PEBP4: variants seen among roughly 807,000 people sequenced by gnomAD.
PEBP4 encodes the protein phosphatidylethanolamine binding protein 4, also known as phosphatidylethanolamine-binding protein 4.
Under a neutral mutation model 23.9 loss-of-function variants are expected in PEBP4, and 22 were observed. The observed-to-expected ratio is 0.92, with a 90% CI of 0.66 to 1.31. The LOEUF (loss-of-function observed/expected upper bound fraction) is 1.31. Among genes scored for constraint, PEBP4 ranks in the 40% most tolerant of loss-of-function variants. The pLI, the probability that PEBP4 is intolerant of heterozygous loss-of-function variation, is 0.00. For missense variants in PEBP4, 324 were observed against 281.7 expected (o/e 1.15, Z -1.07); for synonymous variants, 112 against 99.3 (o/e 1.13, Z -0.76).
At chr8:22,807,869 C>A (rs915875778) in intron 4 of PEBP4, among the ~76,000 whole-genome samples, 1 of 131,576 alleles carries the variant, frequency 7.6e-6, no homozygotes, top group African/African-American at 2.7e-5. Context: ...CCTACCCAAC[C>A]TCTATCCATC....
chr8:22,735,807 G>A (rs896403526), intron 4 of PEBP4, among the ~76,000 whole-genome samples: 8 of 152,218 alleles, frequency 5.3e-5, no homozygotes, highest in African/African-American at 1.9e-4. Flanking sequence ...CTCACTCAGA[G>A]CAGGTAACTC....
upstream of PEBP4, among the ~76,000 whole-genome samples, chr8:22,932,385 C>T (rs1336313488): frequency 6.6e-6 from 1 of 152,148 alleles, no homozygotes; most frequent in African/African-American, 2.4e-5. Flanking sequence ...GAATTATACA[C>T]TTCAAAATTT....
chr8:22,844,171 C>T (rs936508553), intron 3 of PEBP4, among the ~76,000 whole-genome samples: 18 of 152,206 alleles, frequency 1.2e-4, no homozygotes, highest in African/African-American at 4.1e-4. Context: ...AAAGAAGTTG[C>T]TATAAATTAG....
intron 4 of PEBP4, among the ~76,000 whole-genome samples, chr8:22,741,795 G>C (rs1293967643): frequency 1.3e-5 from 2 of 152,250 alleles, no homozygotes; most frequent in Non-Finnish European, 2.9e-5. Context: ...AGCCCATACT[G>C]CTTGGCTTCC....
At chr8:22,926,625 T>C (rs1809340597) in intron 2 of PEBP4, among the ~76,000 whole-genome samples, 1 of 152,174 alleles carries the variant, frequency 6.6e-6, no homozygotes, top group South Asian at 2.1e-4. Flanking sequence ...GGATTACACA[T>C]GTGAGCCACT....
chr8:22,841,334 G>C (rs1046270177), intron 3 of PEBP4, among the ~76,000 whole-genome samples: 5 of 152,222 alleles, frequency 3.3e-5, no homozygotes, highest in Non-Finnish European at 7.3e-5. Context: ...AGTTCTTTAG[G>C]GGGTAAATAA....
At chr8:22,810,877 TGAGAGAGAGAGAGAGA>T (rs33995327) in intron 4 of PEBP4, among the ~76,000 whole-genome samples, 3 of 137,142 alleles carry the variant, frequency 2.2e-5, no homozygotes, top group South Asian at 2.5e-4. Context: ...CTCAGAGTGC[TGAGAGAGAGAGAGAGA>T]GAGAGAGAGA....
chr8:22,921,111 G>A (rs1440339250), intron 2 of PEBP4, among the ~76,000 whole-genome samples: 2 of 152,262 alleles, frequency 1.3e-5, no homozygotes, highest in Non-Finnish European at 2.9e-5. Flanking sequence ...CAGGCTGGCT[G>A]TAAGTGCATG....
intron 4 of PEBP4, among the ~76,000 whole-genome samples, chr8:22,816,126 C>T (rs1806735630): frequency 6.6e-6 from 1 of 152,210 alleles, no homozygotes; most frequent in Non-Finnish European, 1.5e-5. Context: ...GATGCCAGTT[C>T]TTTCTCTTTC....
chr8:22,745,417 A>G (rs750881857), intron 4 of PEBP4, among the ~76,000 whole-genome samples: 14 of 152,158 alleles, frequency 9.2e-5, no homozygotes, highest in Non-Finnish European at 1.5e-4. Flanking sequence ...CTGGGGCCCC[A>G]TGGCTAAAAG....
In PEBP4 at chr8:22,794,067, A is replaced by G. The variant is rs576857231; in HGVS notation, c.357+23570T>C. 3.9e-5 allele frequency among the ~76,000 whole-genome samples: 6 copies of G among 152,124 alleles called. 1 individual carries two copies. The highest frequency in any genetic ancestry group is 1.2e-4 in the African/African-American group (5 of 41,506). On this transcript the variant is annotated intron_variant, in intron 4 of 6. Transcript: ENST00000256404. ...TTTCTTGTTTTTGTTTGCATTTCCA[A>G]CTGCCAGGGTCGATTTTCATTTTTC... is the stretch of plus-strand genomic sequence containing the variant.
intron 4 of PEBP4, among the ~76,000 whole-genome samples, chr8:22,795,013 C>A (rs1452266923): frequency 1.3e-5 from 2 of 151,076 alleles, no homozygotes; most frequent in Non-Finnish European, 3.0e-5. Context: ...TCATGGCTTC[C>A]TTATTATACT....
At chr8:22,735,597 C>T (rs1804843549) in intron 4 of PEBP4, among the ~76,000 whole-genome samples, 1 of 152,176 alleles carries the variant, frequency 6.6e-6, no homozygotes, top group Non-Finnish European at 1.5e-5. Flanking sequence ...TCTCAGCAAC[C>T]TAAACCCTGG....
At chr8:22,863,922 C>T (rs1807830743) in intron 3 of PEBP4, among the ~76,000 whole-genome samples, 1 of 152,176 alleles carries the variant, frequency 6.6e-6, no homozygotes, top group Non-Finnish European at 1.5e-5. Flanking sequence ...CAAGACACTT[C>T]TCCATGATGT....
At chr8:22,898,106 A>G (rs923966889) in intron 3 of PEBP4, among the ~76,000 whole-genome samples, 1 of 152,176 alleles carries the variant, frequency 6.6e-6, no homozygotes, top group Non-Finnish European at 1.5e-5. Flanking sequence ...AATGCCACCC[A>G]GCCAGCCAGG....
intron 4 of PEBP4, among the ~76,000 whole-genome samples, chr8:22,801,869 G>C (rs1806390331): frequency 1.3e-5 from 2 of 152,100 alleles, no homozygotes; most frequent in Non-Finnish European, 2.9e-5. Flanking sequence ...AGGTTAATAA[G>C]GCTCATTTGC....
chr8:22,775,112 A>G lies in PEBP4; in HGVS notation c.357+42525T>C, dbSNP rs1443641298. On this transcript the variant is annotated intron_variant, in intron 4 of 6. Transcript: ENST00000256404. This position sits in a 1 kb window ranked among gnomAD's most constrained non-coding sequence, Gnocchi z 4.8. ...ATACATTTTCCGTTGCCTCTCTGGC[A>G]TCAGTTTCCCCACCTGTACCATAAG... Among the ~76,000 whole-genome samples, 1 of 152,232 alleles carries G rather than the reference A, an allele frequency of 6.6e-6. No homozygotes were observed. Among genetic ancestry groups the G allele is most frequent in the Non-Finnish European group, 1.5e-5 (1 of 68,038 alleles).
intron 3 of PEBP4, among the ~76,000 whole-genome samples, chr8:22,832,727 G>C (rs1807112983): frequency 6.6e-6 from 1 of 152,186 alleles, no homozygotes; most frequent in Non-Finnish European, 1.5e-5. Flanking sequence ...GCACTGGCAA[G>C]GTGGGGACTG....
At chr8:22,870,318 TGAAA>T (rs1312188043) in intron 3 of PEBP4, among the ~76,000 whole-genome samples, 6 of 152,074 alleles carry the variant, frequency 3.9e-5, no homozygotes, top group Non-Finnish European at 8.8e-5. Context: ...TATTACTAAG[TGAAA>T]GAAGCCAATT....
Sources: allele counts gnomAD v4.1 joint callset (sites outside exome capture counted in the v4.1 genomes callset), GRCh38; gene constraint gnomAD v4.1.1; non-coding constraint Gnocchi (gnomAD v3.1); transcripts MANE v1.5; gene names NCBI Gene and HGNC (gene_info 2026-07-23, HGNC 2026-07-21).